The following ANO5 variants were observed in gnomAD, a reference collection of about 807,000 sequenced individuals.
ANO5 encodes anoctamin 5.
Under a neutral mutation model 121.0 loss-of-function variants are expected in ANO5, and 109 were observed. The observed-to-expected ratio is 0.90, with a 90% CI of 0.77 to 1.06. ANO5 has a LOEUF of 1.06. ANO5 is among the 50% of genes least tolerant of loss of function. ANO5 has a pLI of 0.00. For missense variants in ANO5, 1,064 were observed against 1,078.5 expected, an observed-to-expected ratio of 0.99 and a Z score of 0.19; for synonymous variants, 406 against 359.9, an observed-to-expected ratio of 1.13 and a Z score of -1.45.
intron 7 of ANO5, among the ~76,000 whole-genome samples, chr11:22,229,344 A>T (rs1268024258): frequency 6.6e-6 from 1 of 152,000 alleles, no homozygotes; most frequent in Non-Finnish European, 1.5e-5. Flanking sequence ...ATTCACTGAC[A>T]GGAATAGTCA....
At chr11:22,218,167 GTTTGTC>G in intron 3 of ANO5, 73 bp from the exon 4 acceptor site, 1 of 1,418,680 alleles carries the variant, frequency 7.0e-7, no homozygotes, top group Non-Finnish European at 9.8e-7. Context: ...CCAAGGGTTA[GTTTGTC>G]TTTGTCTTTT....
intron 2 of ANO5, among the ~76,000 whole-genome samples, chr11:22,208,866 A>G (rs558735686): frequency 1.3e-5 from 2 of 152,022 alleles, no homozygotes; most frequent in African/African-American, 2.4e-5. Context: ...GCTAAATTAT[A>G]TTTTTTCTGA....
chr11:22,230,254 T>C (rs1852995771), intron 7 of ANO5, among the ~76,000 whole-genome samples: 3 of 151,984 alleles, frequency 2.0e-5, no homozygotes, highest in Admixed American at 2.0e-4. Context: ...GGAATTTCTA[T>C]GTGTATAGAA....
intron 17 of ANO5, among the ~76,000 whole-genome samples, chr11:22,270,047 C>G (rs1854551104): frequency 6.6e-6 from 1 of 152,182 alleles, no homozygotes; most frequent in African/African-American, 2.4e-5. Context: ...GCCAAACTGT[C>G]TCTGAGTAAA....
chr11:22,192,983 G>C, upstream of ANO5: 1 of 985,314 alleles, frequency 1.0e-6, no homozygotes, highest in Non-Finnish European at 1.2e-6. Context: ...GGCGGTCTCC[G>C]AGGGTGGGGC....
At chr11:22,237,482 C>T (rs1853262071) in intron 8 of ANO5, among the ~76,000 whole-genome samples, 1 of 152,104 alleles carries the variant, frequency 6.6e-6, no homozygotes, top group African/African-American at 2.4e-5. Context: ...CCTCCGTCTC[C>T]CGGGTTCAAG....
chr11:22,273,895 AG>A (rs1445407512), intron 19 of ANO5, among the ~76,000 whole-genome samples: 2 of 152,122 alleles, frequency 1.3e-5, no homozygotes, highest in Non-Finnish European at 2.9e-5. Flanking sequence ...AGTGAGTAAT[AG>A]AAAGCCTGAA....
intron 20 of ANO5, 37 bp from the exon 21 acceptor site, chr11:22,276,057 A>ATT: frequency 8.1e-7 from 1 of 1,239,680 alleles, no homozygotes; most frequent in Non-Finnish European, 1.1e-6. Context: ...TATAACTATT[A>ATT]TTATTTTTTT....
At chr11:22,203,245 T>C (rs561870353) in intron 1 of ANO5, among the ~76,000 whole-genome samples, 151 of 152,270 alleles carry the variant, frequency 9.9e-4, no homozygotes, top group Non-Finnish European at 1.1e-3. Flanking sequence ...AAAATAAGAA[T>C]TTCAGTTCTG....
chr11:22,232,097 T>A (rs949037951), intron 7 of ANO5, among the ~76,000 whole-genome samples: 1 of 152,054 alleles, frequency 6.6e-6, no homozygotes, highest in Non-Finnish European at 1.5e-5. Context: ...TGGCTTGTTT[T>A]TAAATTTTAT....
At chr11:22,208,376 C>T (rs990321464) in intron 2 of ANO5, among the ~76,000 whole-genome samples, 1 of 151,934 alleles carries the variant, frequency 6.6e-6, no homozygotes, top group Non-Finnish European at 1.5e-5. Flanking sequence ...TTAATAAACA[C>T]AACTTGGATA....
At chr11:22,265,861 G>A (rs1478741512) in intron 17 of ANO5, among the ~76,000 whole-genome samples, 1 of 152,068 alleles carries the variant, frequency 6.6e-6, no homozygotes, top group African/African-American at 2.4e-5. Context: ...TATTAATCAA[G>A]ACAATGTAGG....
At chr11:22,243,011 C>T (rs1353673052) in intron 9 of ANO5, among the ~76,000 whole-genome samples, 1 of 151,896 alleles carries the variant, frequency 6.6e-6, no homozygotes, top group Admixed American at 6.6e-5. Context: ...AGCTTTTGCC[C>T]ATTCAGTATG....
chr11:22,224,119 A>G (rs946587521), intron 5 of ANO5, among the ~76,000 whole-genome samples: 1 of 151,994 alleles, frequency 6.6e-6, no homozygotes, highest in African/African-American at 2.4e-5. Context: ...GCTCCTTCTC[A>G]GTCTTTACTT....
rs78944911 is a variant in ANO5 at position 22,281,124 on chromosome 11, G to A, written c.*1359G>A. ...CACACATCTATATATATAATTATTA[G>A]CACTAGAGGGATATAGTCCAGTTAT... On this transcript the variant is annotated 3_prime_UTR_variant, in exon 22 of 22. Transcript: ENST00000324559. 27 of 151,862 alleles carry A rather than the reference G, an allele frequency of 1.8e-4. No homozygotes were observed. The highest frequency in any genetic ancestry group is 6.0e-4 in the African/African-American group (25 of 41,468). 9.4% of individuals were successfully genotyped at this position (151,862 alleles called of 1,614,324 possible).
At chr11:22,228,736 T>A (rs976442316) in intron 7 of ANO5, among the ~76,000 whole-genome samples, 9 of 151,994 alleles carry the variant, frequency 5.9e-5, no homozygotes, top group African/African-American at 1.9e-4. Context: ...TGAGATCATA[T>A]GGTGTTGATC....
Position 22,279,644 on chromosome 11 carries a change from A to G in ANO5, c.2621A>G (p.Lys874Arg). The G allele has an allele frequency of 6.2e-7, 1 of 1,612,788 alleles. No individual in the cohort carries two copies. ...RIKREKLMTIKILHDFELNKL... is the reference protein window; with the variant it reads ...RIKREKLMTIRILHDFELNKL... ...AAGAGAGAAAAGTTAATGACTATCA[A>G]GATTCTCCATGATTTTGAGCTCAAC... The change falls in exon 22 of 22, where the codon AAG becomes AGG. Residue 874 changes from lysine to arginine, a missense_variant. Coordinates refer to ENST00000324559, the MANE Select transcript of ANO5 (RefSeq NM_213599.3).
chr11:22,248,384 G>T (rs1853692534), intron 9 of ANO5, among the ~76,000 whole-genome samples: 1 of 152,008 alleles, frequency 6.6e-6, no homozygotes, highest in African/African-American at 2.4e-5. Context: ...TTGAGCTTTT[G>T]TAGAGTGTCT....
intron 17 of ANO5, among the ~76,000 whole-genome samples, chr11:22,267,593 A>G (rs1377166884): frequency 1.4e-5 from 2 of 148,026 alleles, no homozygotes; most frequent in African/African-American, 5.1e-5. Context: ...AGATTTGTTT[A>G]TCCCTGTACC....
Sources: allele counts gnomAD v4.1 joint callset (sites outside exome capture counted in the v4.1 genomes callset), GRCh38; gene constraint gnomAD v4.1.1; transcripts MANE v1.5; gene names NCBI Gene and HGNC (gene_info 2026-07-23, HGNC 2026-07-21).